ACP1: variants seen among roughly 807,000 people sequenced by gnomAD.
The protein encoded by ACP1 is acid phosphatase 1, also known as low molecular weight phosphotyrosine protein phosphatase.
Under a neutral mutation model 23.4 loss-of-function variants are expected in ACP1, and 23 were observed. That is an observed-to-expected ratio of 0.98 (90% CI 0.71 to 1.39). ACP1 has a LOEUF of 1.39. ACP1 is among the 40% of genes most tolerant of loss of function. The pLI is 0.00. For synonymous variants in ACP1, 72 were observed against 67.2 expected (o/e 1.07, Z -0.35); for missense variants, 180 against 197.7 (o/e 0.91, Z 0.54).
chr2:271,951 T>G lies in ACP1; in HGVS notation c.117+12T>G. On this transcript the variant is annotated intron_variant, in intron 2 of 5. Coordinates refer to ENST00000272065, the MANE Select transcript of ACP1 (RefSeq NM_004300.4). Reference sequence around the variant, plus strand: ...ACATCTCAGAGAATGTAAGTACCATTCATTATCTTAAAGAGGCCAACCTGA... The same window carrying G: ...ACATCTCAGAGAATGTAAGTACCATGCATTATCTTAAAGAGGCCAACCTGA... The G allele has an allele frequency of 6.2e-7, 1 of 1,610,942 alleles. No individual in the cohort carries two copies. The highest frequency in any genetic ancestry group is 8.5e-7 in the Non-Finnish European group (1 of 1,177,582).
At chr2:272,266 A>G (rs917014863) in intron 3 of ACP1, 116 bp downstream of exon 3, 16 of 1,613,988 alleles carry the variant, frequency 9.9e-6, no homozygotes, top group Non-Finnish European at 1.1e-5. Flanking sequence ...TGAGCTGCCT[A>G]AGAAATCATG....
rs1202611540 is a variant in ACP1, at chr2:277,121, A to G, written c.399+36A>G. On this transcript the variant is annotated intron_variant, in intron 5 of 5. Transcript: ENST00000272065. ...TTCACGTTTTAGGGCTAATATGAAG[A>G]CCCAACACATTTGTATCCTGCCATA... The G allele has an allele frequency of 2.6e-6, 4 of 1,566,302 alleles. No homozygotes were observed. The African/African-American group carries it at 4.1e-5, about 16-fold the overall frequency.
At chr2:272,206 C>T (rs781441469) in intron 3 of ACP1, 56 bp downstream of exon 3, 19 of 1,614,122 alleles carry the variant, frequency 1.2e-5, no homozygotes, top group Non-Finnish European at 1.6e-5. Flanking sequence ...TCATTGACAG[C>T]GGTGCTGTTT....
chr2:273,269 A>G (rs1198736089), intron 3 of ACP1: 1 of 152,232 alleles, frequency 6.6e-6, no homozygotes, highest in Non-Finnish European at 1.5e-5. Context: ...TGCATTGGGG[A>G]TGAAGTTTCC....
intron 3 of ACP1, chr2:273,154 A>G (rs1572198000): frequency 6.5e-6 from 1 of 153,756 alleles, no homozygotes; most frequent in East Asian, 1.9e-4. Flanking sequence ...GAACTAGAAA[A>G]ACGGGAAGAG....
intron 3 of ACP1, 128 bp downstream of exon 3, chr2:272,278 C>T (rs770980238): frequency 3.1e-6 from 5 of 1,613,822 alleles, no homozygotes; most frequent in Non-Finnish European, 4.2e-6. Flanking sequence ...GAAATCATGG[C>T]ATTCACACAG....
chr2:272,716 G>A (rs1670080749), intron 3 of ACP1: 1 of 213,824 alleles, frequency 4.7e-6, no homozygotes, highest in Non-Finnish European at 9.3e-6. Context: ...GTAATATAGG[G>A]TAATACCAGC....
At chr2:266,259 GTTAAC>G (rs952192522) in intron 1 of ACP1, 2 of 152,330 alleles carry the variant, frequency 1.3e-5, no homozygotes, top group Non-Finnish European at 2.9e-5. Flanking sequence ...TTTTGTAGAA[GTTAAC>G]TTCTGTGAAA....
chr2:273,863 T>G (rs963358784), intron 3 of ACP1, among the ~76,000 whole-genome samples: 1 of 152,204 alleles, frequency 6.6e-6, no homozygotes, highest in Non-Finnish European at 1.5e-5. Context: ...ATAACTAATT[T>G]GGAGAAATAA....
rs1572200917 is a variant in ACP1, at chr2:277,801, A to G, written c.*497A>G. 6.0e-6 allele frequency: 1 copy of G among 166,068 alleles called. No individual in the cohort carries two copies. Among genetic ancestry groups the G allele is most frequent in the East Asian group, 1.6e-4 (1 of 6,318 alleles). The allele number at this position is 166,068 out of a possible 1,614,324, so 10.3% of individuals were successfully genotyped here. ...GTAGGAGCTCACAGTCTAGATTAGAAGTGTTTTAATTTCTACACACCCATA... is the reference window on the plus strand; with the variant it reads ...GTAGGAGCTCACAGTCTAGATTAGAGGTGTTTTAATTTCTACACACCCATA... On this transcript the variant is annotated 3_prime_UTR_variant, in exon 6 of 6. Transcript: ENST00000272065.
At chr2:271,969 C>T in intron 2 of ACP1, 30 bp downstream of exon 2, 1 of 1,602,350 alleles carries the variant, frequency 6.2e-7, no homozygotes, top group South Asian at 1.1e-5. Flanking sequence ...TTAAAGAGGC[C>T]AACCTGAACT....
At position 277,233 on chromosome 2, in the gene ACP1, G is replaced by T. The variant is rs919964432; in HGVS notation, c.406G>T (p.Asp136Tyr). Residue 136 changes from aspartate (D) to tyrosine (Y), a missense_variant, in exon 6 of 6, where the codon GAC becomes TAC. Transcript: ENST00000272065. ...LIIEDPYYGN[D>Y]SDFETVYQQC... The stretch of plus-strand genomic sequence containing the variant: ...CTTTTTCCTGTCCATTTAGGGGAAT[G>T]ACTCTGACTTTGAGACGGTGTACCA... 5.0e-6 allele frequency: 8 copies of T among 1,614,068 alleles called. No homozygotes were observed. Among genetic ancestry groups the T allele is most frequent in the Non-Finnish European group, 5.9e-6 (7 of 1,179,998 alleles).
At chr2:270,590 C>A (rs1670000813) in intron 1 of ACP1, among the ~76,000 whole-genome samples, 1 of 152,072 alleles carries the variant, frequency 6.6e-6, no homozygotes, top group African/African-American at 2.4e-5. Context: ...CATTTTCCCA[C>A]TTTTATTATA....
Position 272,088 on chromosome 2 carries a change from G to C in ACP1, c.169G>C (p.Asp57His). 1.2e-6 allele frequency: 2 copies of C among 1,614,122 alleles called. No homozygotes were observed. Among genetic ancestry groups the C allele is most frequent in the Non-Finnish European group, 1.7e-6 (2 of 1,180,036 alleles). Residue 57 changes from aspartate to histidine, a missense_variant, in exon 3 of 6, where the codon GAC (aspartate) becomes CAC (histidine). Around this residue, in one of 3 missense-constraint regions of ACP1, gnomAD observed 132 missense variants for 124.1 expected, o/e 1.06. Transcript: ENST00000272065. ...TSGYEIGNPP[D>H]YRGQSCMKRH... ...CGGGTATGAGATAGGGAACCCCCCT[G>C]ACTACCGAGGGCAGAGCTGCATGAA... is the stretch of plus-strand genomic sequence containing the variant.
At chr2:276,399 C>G (rs563295010) in intron 4 of ACP1, among the ~76,000 whole-genome samples, 1 of 152,192 alleles carries the variant, frequency 6.6e-6, no homozygotes, top group Non-Finnish European at 1.5e-5. Flanking sequence ...GACTCATCAA[C>G]TCATCTGTCG....
chr2:276,941 C>T (rs750668427), intron 4 of ACP1, 39 bp from the exon 5 acceptor site: 10 of 1,313,074 alleles, frequency 7.6e-6, no homozygotes, highest in Non-Finnish European at 9.7e-6. Context: ...AACTTGAAAC[C>T]ATAGATCAGA....
chr2:274,670 A>G (rs906361459), intron 3 of ACP1: 2 of 152,254 alleles, frequency 1.3e-5, no homozygotes, highest in Non-Finnish European at 2.9e-5. Flanking sequence ...CCTCCAGGGC[A>G]TCTGTGCCTC....
rs764793872 is a variant in ACP1 at position 272,164 on chromosome 2, A to T, written c.231+14A>T. The stretch of plus-strand genomic sequence containing the variant: ...GTTGCCCGGCAGGTACCGTCCTTGG[A>T]CTTGAAGTTGTGTGTTTTGTGTTTC... On this transcript the variant is annotated intron_variant, in intron 3 of 5. Coordinates refer to ENST00000272065, the MANE Select transcript of ACP1 (RefSeq NM_004300.4). 3 of 1,614,114 alleles carry T rather than the reference A, an allele frequency of 1.9e-6. No homozygotes were observed. The East Asian group carries it at 6.7e-5, about 36-fold the overall frequency.
At chr2:267,082 C>T (rs1228219051) in intron 1 of ACP1, among the ~76,000 whole-genome samples, 1 of 152,176 alleles carries the variant, frequency 6.6e-6, no homozygotes, top group Non-Finnish European at 1.5e-5. Flanking sequence ...TATCCTGCTA[C>T]TCAGAACAGT....
Sources: gnomAD v4.1 joint callset for allele counts (sites outside exome capture counted in the v4.1 genomes callset) on GRCh38, gnomAD v4.1.1 for gene constraint, gnomAD v4.1.1 regional missense constraint, MANE v1.5 for transcripts, NCBI Gene and HGNC (gene_info 2026-07-23, HGNC 2026-07-21) for gene names.